The following ADAMTSL1 variants were observed in gnomAD, a reference collection of about 807,000 sequenced individuals.
The protein encoded by ADAMTSL1 is ADAMTS-like protein 1.
Under a neutral mutation model 201.8 loss-of-function variants are expected in ADAMTSL1, and 126 were observed. The ratio of observed to expected loss-of-function variants is 0.62; its 90% CI spans 0.54 to 0.72. The LOEUF (loss-of-function observed/expected upper bound fraction) is 0.72. Ranked by LOEUF, ADAMTSL1 falls within the 30% of genes least tolerant of loss-of-function variation. The probability of loss-of-function intolerance (pLI) is 0.00; values close to 1 mark genes in which losing one functional copy is unlikely to be tolerated. For synonymous variants in ADAMTSL1, 1,121 were observed against 903.4 expected, an observed-to-expected ratio of 1.24 and a Z score of -4.32; for missense variants, 2,679 against 2,277.8, an observed-to-expected ratio of 1.18 and a Z score of -3.59.
chr9:18,235,398 TTCA>T (rs1385739970), intron 2 of ADAMTSL1, among the ~76,000 whole-genome samples: 2 of 152,180 alleles, frequency 1.3e-5, no homozygotes, highest in Non-Finnish European at 2.9e-5. Flanking sequence ...GATGTCAAGC[TTCA>T]TCACTTAGCT....
At chr9:18,028,908 C>T (rs1196782793) in intron 1 of ADAMTSL1, among the ~76,000 whole-genome samples, 1 of 152,138 alleles carries the variant, frequency 6.6e-6, no homozygotes, top group African/African-American at 2.4e-5. Context: ...GAATGGTCTT[C>T]CATTTGTTTG....
chr9:18,496,285 C>G (rs1822531208), intron 1 of ADAMTSL1, among the ~76,000 whole-genome samples: 1 of 152,112 alleles, frequency 6.6e-6, no homozygotes, highest in African/African-American at 2.4e-5. Context: ...GAGAGCTGAA[C>G]TTAAGCAAAA....
At chr9:18,467,076 G>C (rs1162887525) in intron 2 of ADAMTSL1, among the ~76,000 whole-genome samples, 2 of 152,124 alleles carry the variant, frequency 1.3e-5, no homozygotes, top group Non-Finnish European at 2.9e-5. Context: ...TCTAATGGCA[G>C]TTACGTAAAG....
At chr9:18,075,724 G>C (rs1172457061) in intron 1 of ADAMTSL1, among the ~76,000 whole-genome samples, 1 of 152,164 alleles carries the variant, frequency 6.6e-6, no homozygotes, top group South Asian at 2.1e-4. Flanking sequence ...AGCCCACCCT[G>C]GGAGGGCTGT....
intron 1 of ADAMTSL1, among the ~76,000 whole-genome samples, chr9:18,123,243 A>C (rs1825581630): frequency 6.6e-6 from 1 of 152,218 alleles, no homozygotes; most frequent in Non-Finnish European, 1.5e-5. Flanking sequence ...ATAACAAGAC[A>C]CATTTTATGC....
At chr9:17,994,008 C>T (rs575732001) in intron 1 of ADAMTSL1, among the ~76,000 whole-genome samples, 7 of 151,342 alleles carry the variant, frequency 4.6e-5, no homozygotes, top group Admixed American at 6.6e-5. Flanking sequence ...TTTTTTAATT[C>T]GATTTTTTTT....
At chr9:18,844,163 G>T (rs1817395464) in intron 23 of ADAMTSL1, among the ~76,000 whole-genome samples, 1 of 152,100 alleles carries the variant, frequency 6.6e-6, no homozygotes, top group South Asian at 2.1e-4. Flanking sequence ...TATCTTTGTG[G>T]TTTTATCTAC....
At chr9:18,708,847 C>A (rs559918155) in intron 14 of ADAMTSL1, among the ~76,000 whole-genome samples, 4 of 152,284 alleles carry the variant, frequency 2.6e-5, no homozygotes, top group African/African-American at 9.6e-5. Context: ...TAACCAGATA[C>A]CTTTTTCTTT....
intron 9 of ADAMTSL1, among the ~76,000 whole-genome samples, chr9:18,671,490 T>A (rs1209636504): frequency 2.0e-5 from 3 of 152,124 alleles, no homozygotes; most frequent in Non-Finnish European, 4.4e-5. Context: ...CTGGAAGAAC[T>A]GAGTGGTGAA....
intron 2 of ADAMTSL1, among the ~76,000 whole-genome samples, chr9:18,238,812 G>A (rs982026054): frequency 1.3e-5 from 2 of 152,166 alleles, no homozygotes; most frequent in Admixed American, 6.5e-5. Context: ...CACCACCTCA[G>A]ATAGTTAACT....
At chr9:18,441,722 C>G (rs879623566) in intron 2 of ADAMTSL1, among the ~76,000 whole-genome samples, 28 of 151,894 alleles carry the variant, frequency 1.8e-4, no homozygotes, top group Non-Finnish European at 1.0e-4. Context: ...AAGACAAAAA[C>G]CTTAAATATG....
intron 15 of ADAMTSL1, among the ~76,000 whole-genome samples, chr9:18,734,108 T>C (rs1818374485): frequency 6.6e-6 from 1 of 152,204 alleles, no homozygotes; most frequent in Non-Finnish European, 1.5e-5. Flanking sequence ...GTTGAACTTC[T>C]CAGGGCTTCA....
At chr9:18,887,388 A>C (rs1029849029) in intron 23 of ADAMTSL1, among the ~76,000 whole-genome samples, 1 of 152,236 alleles carries the variant, frequency 6.6e-6, no homozygotes, top group Non-Finnish European at 1.5e-5. Flanking sequence ...AAATGAGGGA[A>C]TATGATACTT....
chr9:18,597,960 G>A (rs1394314150), intron 4 of ADAMTSL1, among the ~76,000 whole-genome samples: 1 of 152,102 alleles, frequency 6.6e-6, no homozygotes, highest in Non-Finnish European at 1.5e-5. Flanking sequence ...CATCTCTATT[G>A]CCTCTTTGGT....
At chr9:18,656,572 T>C (rs966625023) in intron 7 of ADAMTSL1, among the ~76,000 whole-genome samples, 2 of 140,616 alleles carry the variant, frequency 1.4e-5, no homozygotes, top group African/African-American at 2.7e-5. Flanking sequence ...GAGCTGGCAG[T>C]GAGCCGGGAT....
intron 1 of ADAMTSL1, among the ~76,000 whole-genome samples, chr9:17,999,097 C>A (rs1244627536): frequency 1.3e-5 from 2 of 151,950 alleles, no homozygotes; most frequent in Admixed American, 6.6e-5. Context: ...GAAATAATAA[C>A]ATGAACTGAA....
At chr9:18,003,806 C>T (rs1461072272) in intron 1 of ADAMTSL1, among the ~76,000 whole-genome samples, 1 of 152,026 alleles carries the variant, frequency 6.6e-6, no homozygotes, top group African/African-American at 2.4e-5. Context: ...CCAGCCTTAC[C>T]ATATGAAATA....
At chr9:18,876,858 G>T (rs557607190) in intron 23 of ADAMTSL1, among the ~76,000 whole-genome samples, 2 of 152,314 alleles carry the variant, frequency 1.3e-5, no homozygotes, top group South Asian at 4.1e-4. Flanking sequence ...CAAACATTTA[G>T]ATTTATCTTC....
At chr9:18,463,112 T>C (rs1467441675) in intron 2 of ADAMTSL1, among the ~76,000 whole-genome samples, 1 of 152,074 alleles carries the variant, frequency 6.6e-6, no homozygotes, top group Admixed American at 6.5e-5. Flanking sequence ...TCCAGAGAAA[T>C]ATTTCTTTAA....
Sources: allele counts gnomAD v4.1 joint callset (sites outside exome capture counted in the v4.1 genomes callset), GRCh38; gene constraint gnomAD v4.1.1; transcripts MANE v1.5; gene names NCBI Gene and HGNC (gene_info 2026-07-23, HGNC 2026-07-21).